The following CEP128 variants were observed in gnomAD, a reference collection of about 807,000 sequenced individuals.
CEP128 encodes centrosomal protein 128kDa.
CEP128 carries 132 observed loss-of-function variants against 156.7 expected under a neutral mutation model. That is an observed-to-expected ratio of 0.84 (90% CI 0.73 to 0.97). CEP128 has a LOEUF of 0.97. Among genes scored for constraint, CEP128 ranks in the 50% least tolerant of loss-of-function variants. The pLI is 0.00. For missense variants in CEP128, 1,252 were observed against 1,281.9 expected, an observed-to-expected ratio of 0.98 and a Z score of 0.36; for synonymous variants, 469 against 448.9, an observed-to-expected ratio of 1.04 and a Z score of -0.57.
At chr14:80,914,268 C>T in intron 4 of CEP128, 54 bp downstream of exon 4, 2 of 1,352,586 alleles carry the variant, frequency 1.5e-6, no homozygotes, top group Non-Finnish European at 2.1e-6. Context: ...CCCCAAAACA[C>T]TTCATTCCCA....
At chr14:80,642,816 C>T (rs1209470149) in intron 19 of CEP128, among the ~76,000 whole-genome samples, 15 of 151,366 alleles carry the variant, frequency 9.9e-5, no homozygotes, top group South Asian at 8.4e-4. Context: ...AATGCGGCGG[C>T]GCGACCTCAG....
At chr14:80,549,612 C>T (rs777034609) in intron 21 of CEP128, among the ~76,000 whole-genome samples, 1 of 152,182 alleles carries the variant, frequency 6.6e-6, no homozygotes, top group Non-Finnish European at 1.5e-5. Context: ...TTAGGAGAAG[C>T]ATTGCAAATA....
intron 8 of CEP128, among the ~76,000 whole-genome samples, chr14:80,887,901 AAG>A (rs1888888226): frequency 6.6e-6 from 1 of 152,170 alleles, no homozygotes; most frequent in African/African-American, 2.4e-5. Context: ...TAAAGAAGAA[AAG>A]AGAGATGAAT....
chr14:80,619,139 C>T (rs571202252), intron 19 of CEP128, among the ~76,000 whole-genome samples: 4 of 152,116 alleles, frequency 2.6e-5, no homozygotes, highest in East Asian at 3.9e-4. Context: ...TCCTCTGAGG[C>T]ATATGGAAAA....
intron 2 of CEP128, among the ~76,000 whole-genome samples, chr14:80,926,960 C>G (rs897375763): frequency 6.6e-6 from 1 of 152,202 alleles, no homozygotes; most frequent in African/African-American, 2.4e-5. Context: ...GTCTATGTCA[C>G]TCTCCTCTCA....
At chr14:80,508,443 C>T (rs943270841) in intron 23 of CEP128, among the ~76,000 whole-genome samples, 4 of 152,046 alleles carry the variant, frequency 2.6e-5, no homozygotes, top group African/African-American at 4.8e-5. Context: ...TTGATGATTT[C>T]GTTTCCTATT....
intron 22 of CEP128, among the ~76,000 whole-genome samples, chr14:80,528,844 G>A (rs777726320): frequency 1.2e-4 from 18 of 152,062 alleles, no homozygotes; most frequent in Non-Finnish European, 2.1e-4. Flanking sequence ...TCTTGTTCAC[G>A]CCACACTGAT....
intron 17 of CEP128, among the ~76,000 whole-genome samples, chr14:80,759,145 T>C (rs543049593): frequency 6.6e-6 from 1 of 152,354 alleles, no homozygotes; most frequent in East Asian, 1.9e-4. Flanking sequence ...GTTTTACAAT[T>C]GTAGTGTACG....
intron 2 of CEP128, among the ~76,000 whole-genome samples, chr14:80,934,615 T>G (rs1405420665): frequency 6.6e-6 from 1 of 152,208 alleles, no homozygotes; most frequent in Non-Finnish European, 1.5e-5. Context: ...GGCCCCAGCA[T>G]AGTGTCTGAG....
At chr14:80,649,229 C>A (rs1216948103) in intron 19 of CEP128, among the ~76,000 whole-genome samples, 2 of 152,020 alleles carry the variant, frequency 1.3e-5, no homozygotes, top group African/African-American at 4.8e-5. Flanking sequence ...ATTGGACCCT[C>A]CAATTTTATA....
At chr14:80,727,825 C>T (rs1262268832) in intron 19 of CEP128, among the ~76,000 whole-genome samples, 1 of 152,180 alleles carries the variant, frequency 6.6e-6, no homozygotes, top group African/African-American at 2.4e-5. Context: ...TACCATCTCA[C>T]ACCAGTCAGA....
At chr14:80,820,510 T>A (rs1168265161) in intron 13 of CEP128, among the ~76,000 whole-genome samples, 15 of 152,222 alleles carry the variant, frequency 9.9e-5, no homozygotes, top group Admixed American at 9.8e-4. Flanking sequence ...CCTCTGAGCA[T>A]CCCAATCGTG....
rs937708916 is a variant in CEP128, at chr14:80,666,849, C to T, written c.2806+76226G>A. 3.2e-4 allele frequency among the ~76,000 whole-genome samples: 48 copies of T among 151,492 alleles called. 1 individual carries two copies. Among genetic ancestry groups the T allele is most frequent in the East Asian group, 1.9e-4 (1 of 5,168 alleles). ...AGAACAAAATTAACTTCACAAAAGA[C>T]GGAAGAGGAGAAATAAAATAGAAAA... On this transcript the variant is annotated intron_variant, in intron 19 of 24. Transcript: ENST00000555265.
At chr14:80,910,481 C>T (rs1454969233) in intron 4 of CEP128, among the ~76,000 whole-genome samples, 1 of 152,206 alleles carries the variant, frequency 6.6e-6, no homozygotes, top group African/African-American at 2.4e-5. Flanking sequence ...AGCACCTCCC[C>T]ACTCCTTCCC....
chr14:80,777,141 C>G (rs1900837524), intron 16 of CEP128, among the ~76,000 whole-genome samples: 1 of 152,132 alleles, frequency 6.6e-6, no homozygotes, highest in Non-Finnish European at 1.5e-5. Context: ...AACCTAATTG[C>G]TACAGACTGA....
rs35675273 is a variant in CEP128 at position 80,511,053 on chromosome 14, G to GTT, written c.3073-6035_3073-6034dup. Among the ~76,000 whole-genome samples the GTT allele has an allele frequency of 4.5e-3, 645 of 144,400 alleles. 3 individuals are homozygous for GTT. Among genetic ancestry groups the GTT allele is most frequent in the African/African-American group, 8.4e-3 (328 of 39,222 alleles). The allele number at this position is 144,400 out of a possible 152,430, so 94.7% of individuals were successfully genotyped here. On this transcript the variant is annotated intron_variant, in intron 23 of 24. Transcript: ENST00000555265. The stretch of plus-strand genomic sequence containing the variant: ...GTTCATCAGAGATATTGGCCTGTGG[G>GTT]TTTTTTTTTTCCTTTTTTTTTTTTA...
intron 19 of CEP128, among the ~76,000 whole-genome samples, chr14:80,623,863 T>C (rs1264583818): frequency 6.6e-6 from 1 of 152,214 alleles, no homozygotes; most frequent in Non-Finnish European, 1.5e-5. Context: ...ATGCAATATG[T>C]AATGAGCAAA....
At chr14:80,868,406 T>G (rs367964701) in intron 8 of CEP128, among the ~76,000 whole-genome samples, 27 of 152,114 alleles carry the variant, frequency 1.8e-4, no homozygotes, top group Middle Eastern at 3.4e-3. Context: ...AGACTCTGTA[T>G]GCAGTCAAAG....
intron 19 of CEP128, among the ~76,000 whole-genome samples, chr14:80,610,711 T>C (rs927796678): frequency 1.3e-5 from 2 of 152,162 alleles, no homozygotes; most frequent in African/African-American, 4.8e-5. Flanking sequence ...AGCCATACTT[T>C]CACTAGTGCA....
Sources: allele counts gnomAD v4.1 joint callset (sites outside exome capture counted in the v4.1 genomes callset), GRCh38; gene constraint gnomAD v4.1.1; transcripts MANE v1.5; gene names NCBI Gene and HGNC (gene_info 2026-07-23, HGNC 2026-07-21).